The following UBR3 variants were observed in gnomAD, a reference collection of about 807,000 sequenced individuals.
The protein encoded by UBR3 is ubiquitin protein ligase E3 component n-recognin 3.
A neutral mutation model predicts 243.2 loss-of-function variants in UBR3; 85 were observed. The ratio of observed to expected loss-of-function variants is 0.35; its 90% CI spans 0.29 to 0.42. The LOEUF (loss-of-function observed/expected upper bound fraction) is 0.42. UBR3 is among the 10% of genes least tolerant of loss of function. The pLI, the probability that UBR3 is intolerant of heterozygous loss-of-function variation, is 1.00. For synonymous variants in UBR3, 748 were observed against 799.8 expected (o/e 0.94, Z 1.09); for missense variants, 1,686 against 2,300.8 (o/e 0.73, Z 5.47).
chr2:169,861,398 A>G (rs1453213468), intron 1 of UBR3, among the ~76,000 whole-genome samples: 1 of 152,190 alleles, frequency 6.6e-6, no homozygotes, highest in Non-Finnish European at 1.5e-5. Context: ...TCACGAGGTC[A>G]GGAGTTTGAG....
chr2:170,032,066 A>T (rs1045938435), intron 31 of UBR3, among the ~76,000 whole-genome samples: 2 of 152,134 alleles, frequency 1.3e-5, no homozygotes, highest in Admixed American at 6.6e-5. Context: ...GTCATAGGAT[A>T]GTTCTGTTTT....
At chr2:169,866,256 CAAAAAAA>C (rs143250064) in intron 1 of UBR3, among the ~76,000 whole-genome samples, 4 of 113,328 alleles carry the variant, frequency 3.5e-5, no homozygotes, top group Admixed American at 1.8e-4. Context: ...GACTGTGTCT[CAAAAAAA>C]AAAAAAAAGC....
intron 18 of UBR3, among the ~76,000 whole-genome samples, chr2:169,931,473 T>A (rs1203736640): frequency 6.6e-6 from 1 of 152,148 alleles, no homozygotes; most frequent in African/African-American, 2.4e-5. Context: ...GAATAGCTTG[T>A]TACATGAAAC....
chr2:169,867,316 T>C (rs2083293496), intron 1 of UBR3, among the ~76,000 whole-genome samples: 1 of 152,208 alleles, frequency 6.6e-6, no homozygotes, highest in Admixed American at 6.5e-5. Flanking sequence ...ATACAATTCA[T>C]TTCTCACTTA....
intron 30 of UBR3, among the ~76,000 whole-genome samples, chr2:170,027,054 C>G (rs973233272): frequency 1.5e-4 from 23 of 151,756 alleles, no homozygotes; most frequent in African/African-American, 4.8e-4. Context: ...GAGAAGGAAT[C>G]TTGTACTTTT....
intron 1 of UBR3, among the ~76,000 whole-genome samples, chr2:169,851,847 A>T (rs907034720): frequency 1.3e-5 from 2 of 152,054 alleles, no homozygotes; most frequent in Non-Finnish European, 2.9e-5. Context: ...AAAAAAAAAA[A>T]AAAAAAACAA....
intron 1 of UBR3, among the ~76,000 whole-genome samples, chr2:169,828,474 T>A (rs548803886): frequency 6.6e-6 from 1 of 151,980 alleles, no homozygotes; most frequent in South Asian, 2.1e-4. Context: ...GAGGGGATGT[T>A]ATTGGGGACC....
intron 1 of UBR3, among the ~76,000 whole-genome samples, chr2:169,835,541 A>G (rs1020770043): frequency 5.9e-5 from 9 of 152,098 alleles, no homozygotes; most frequent in Admixed American, 1.3e-4. Context: ...CCTGAGTTCA[A>G]GCGGTTCTCC....
At chr2:169,843,282 G>A (rs1250284709) in intron 1 of UBR3, among the ~76,000 whole-genome samples, 1 of 152,196 alleles carries the variant, frequency 6.6e-6, no homozygotes, top group African/African-American at 2.4e-5. Flanking sequence ...CAAGATCAAA[G>A]CACTCATATT....
At chr2:169,890,563 A>ATATATGTGTGTG (rs1255881148) in intron 5 of UBR3, among the ~76,000 whole-genome samples, 8 of 83,882 alleles carry the variant, frequency 9.5e-5, no homozygotes, top group Non-Finnish European at 1.7e-4. Context: ...ATATATATAT[A>ATATATGTGTGTG]TGTGTATATA....
chr2:170,040,776 T>C, intron 31 of UBR3, 106 bp from the exon 32 acceptor site: 1 of 897,646 alleles, frequency 1.1e-6, no homozygotes, highest in South Asian at 2.3e-5. Flanking sequence ...CTTCTTTGTG[T>C]ATTAAAGTTT....
chr2:170,066,342 CTCT>C (rs1235377841), intron 35 of UBR3, among the ~76,000 whole-genome samples: 13 of 152,288 alleles, frequency 8.5e-5, no homozygotes, highest in Non-Finnish European at 1.9e-4. Flanking sequence ...TATCTTTTCT[CTCT>C]TCTTAAATGA....
intron 31 of UBR3, among the ~76,000 whole-genome samples, chr2:170,035,809 CCATTTATGTAGT>C (rs1452261892): frequency 6.7e-6 from 1 of 149,472 alleles, no homozygotes; most frequent in African/African-American, 2.5e-5. Flanking sequence ...CTATCTCTCT[CCATTTATGTAGT>C]CGTTTGATTC....
intron 2 of UBR3, among the ~76,000 whole-genome samples, chr2:169,873,768 A>G (rs1340312767): frequency 1.3e-5 from 2 of 152,210 alleles, no homozygotes; most frequent in Admixed American, 6.5e-5. Flanking sequence ...TCTCTTCGGA[A>G]TGAAGGAACC....
At chr2:169,923,111 A>G (rs1276051074) in intron 11 of UBR3, among the ~76,000 whole-genome samples, 2 of 152,206 alleles carry the variant, frequency 1.3e-5, no homozygotes, top group South Asian at 2.1e-4. Context: ...TTTGTGATCC[A>G]TGGGATTCAC....
chr2:170,039,299 T>C (rs1245798001), intron 31 of UBR3, among the ~76,000 whole-genome samples: 2 of 152,182 alleles, frequency 1.3e-5, no homozygotes, highest in Admixed American at 1.3e-4. Context: ...AAATGTCCAC[T>C]AAATTTTGTA....
intron 23 of UBR3, among the ~76,000 whole-genome samples, chr2:169,951,663 A>G (rs889782998): frequency 6.6e-6 from 1 of 152,122 alleles, no homozygotes. Flanking sequence ...TAAGTGAGGA[A>G]TAATATATAG....
chr2:169,890,643 T>A (rs1204659069), intron 5 of UBR3, among the ~76,000 whole-genome samples: 1 of 138,704 alleles, frequency 7.2e-6, no homozygotes, highest in Non-Finnish European at 1.6e-5. Context: ...CTTTTTGGAT[T>A]TTTTTTCTAA....
At chr2:169,845,552 TTTC>T (rs372487053) in intron 1 of UBR3, among the ~76,000 whole-genome samples, 61 of 145,846 alleles carry the variant, frequency 4.2e-4, no homozygotes, top group Non-Finnish European at 6.8e-4. Context: ...CTTCTTCTTC[TTTC>T]TTCTTCTTCT....
Sources: gnomAD v4.1 joint callset for allele counts (sites outside exome capture counted in the v4.1 genomes callset) on GRCh38, gnomAD v4.1.1 for gene constraint, MANE v1.5 for transcripts, NCBI Gene and HGNC (gene_info 2026-07-23, HGNC 2026-07-21) for gene names.